The following TCF4 variants were observed in gnomAD, a reference collection of about 807,000 sequenced individuals.
TCF4 encodes SL3-3 enhancer factor 2.
Under a neutral mutation model 82.1 loss-of-function variants are expected in TCF4, and 3 were observed. The observed-to-expected ratio is 0.04, with a 90% confidence interval of 0.02 to 0.09. The LOEUF (loss-of-function observed/expected upper bound fraction) is 0.09, where lower values mean the gene tolerates loss of function less well. Among genes scored for constraint, TCF4 ranks in the 10% least tolerant of loss-of-function variants. TCF4 has a pLI of 1.00. For synonymous variants in TCF4, 276 were observed against 309.6 expected, an observed-to-expected ratio of 0.89 and a Z score of 1.14; for missense variants, 518 against 852.7, an observed-to-expected ratio of 0.61 and a Z score of 4.89.
At chr18:55,457,492 A>G (rs536788609) in intron 5 of TCF4, among the ~76,000 whole-genome samples, 1 of 148,700 alleles carries the variant, frequency 6.7e-6, no homozygotes, top group East Asian at 2.0e-4. Context: ...CAAACATTTT[A>G]TTACTTTTTT....
chr18:55,466,397 C>G (rs181194950), intron 3 of TCF4, among the ~76,000 whole-genome samples: 7 of 151,840 alleles, frequency 4.6e-5, no homozygotes, highest in African/African-American at 1.5e-4. Flanking sequence ...TTGGAGGGGC[C>G]GAGGCAGGAA....
chr18:55,498,409 C>T (rs2096661266), intron 3 of TCF4, among the ~76,000 whole-genome samples: 1 of 152,170 alleles, frequency 6.6e-6, no homozygotes, highest in African/African-American at 2.4e-5. Flanking sequence ...AGTAGACCAG[C>T]CAGTCCTAAC....
At chr18:55,228,188 A>C in intron 19 of TCF4, 33 bp downstream of exon 19, 1 of 1,613,912 alleles carries the variant, frequency 6.2e-7, no homozygotes, top group Non-Finnish European at 8.5e-7. Context: ...GTTTTGAATG[A>C]TCGATCTCAG....
chr18:55,374,926 A>T (rs2090363468), intron 6 of TCF4, among the ~76,000 whole-genome samples: 1 of 151,298 alleles, frequency 6.6e-6, no homozygotes, highest in Non-Finnish European at 1.5e-5. Flanking sequence ...AATATCAAAA[A>T]TTCCCCTCTT....
At chr18:55,292,455 C>T (rs1434387457) in intron 8 of TCF4, among the ~76,000 whole-genome samples, 1 of 152,130 alleles carries the variant, frequency 6.6e-6, no homozygotes, top group African/African-American at 2.4e-5. Flanking sequence ...ACAAGAAGAG[C>T]AGCAGTTTTA....
chr18:55,515,743 G>A (rs1049892364), intron 3 of TCF4, among the ~76,000 whole-genome samples: 5 of 152,156 alleles, frequency 3.3e-5, no homozygotes, highest in South Asian at 2.1e-4. Flanking sequence ...ACAGAATGTC[G>A]TGTGAGAAAA....
chr18:55,257,429 C>A, intron 13 of TCF4, 38 bp from the exon 14 acceptor site: 2 of 1,601,410 alleles, frequency 1.2e-6, no homozygotes, highest in Non-Finnish European at 8.6e-7. Flanking sequence ...GATCTAGACA[C>A]ATGTAAAAAG....
At chr18:55,577,015 G>A (rs527629267) in intron 3 of TCF4, among the ~76,000 whole-genome samples, 123 of 149,828 alleles carry the variant, frequency 8.2e-4, no homozygotes, top group Admixed American at 1.4e-3. Context: ...CTTCCATAAA[G>A]CCCTCTATGT....
chr18:55,440,545 C>T (rs1569478820), intron 5 of TCF4, among the ~76,000 whole-genome samples: 1 of 152,158 alleles, frequency 6.6e-6, no homozygotes, highest in Admixed American at 6.6e-5. Flanking sequence ...CTCCATCGTC[C>T]GTCAATACAT....
At chr18:55,460,061 A>T (rs762448201) in intron 5 of TCF4, among the ~76,000 whole-genome samples, 7 of 152,196 alleles carry the variant, frequency 4.6e-5, no homozygotes, top group Non-Finnish European at 8.8e-5. Context: ...GCTTAAAATC[A>T]TGACATTCTT....
intron 6 of TCF4, among the ~76,000 whole-genome samples, chr18:55,371,871 C>T (rs1008687541): frequency 3.3e-5 from 5 of 152,190 alleles, no homozygotes; most frequent in Admixed American, 2.6e-4. Context: ...TTTTGTGTCT[C>T]TGGCACTGAG....
At chr18:55,262,089 C>A (rs1028789803) in intron 11 of TCF4, among the ~76,000 whole-genome samples, 3 of 152,104 alleles carry the variant, frequency 2.0e-5, no homozygotes, top group Non-Finnish European at 4.4e-5. Flanking sequence ...ATATTCTCCA[C>A]ATATTTAAAA....
intron 2 of TCF4, among the ~76,000 whole-genome samples, chr18:55,602,686 T>C (rs933581896): frequency 2.6e-5 from 4 of 152,218 alleles, no homozygotes; most frequent in African/African-American, 9.6e-5. Context: ...ATCAATCATT[T>C]ACTCCTGCTT....
upstream of TCF4, chr18:55,589,555 TTTC>T (rs1274232014): frequency 7.7e-6 from 8 of 1,044,368 alleles, no homozygotes; most frequent in South Asian, 4.6e-5. Flanking sequence ...CCAACAACTT[TTTC>T]TTATTGTTTA....
At chr18:55,489,859 TC>T (rs1054512321) in intron 3 of TCF4, among the ~76,000 whole-genome samples, 22 of 151,780 alleles carry the variant, frequency 1.4e-4, no homozygotes, top group African/African-American at 5.3e-4. Context: ...ACAAAACACT[TC>T]CCCCACATCC....
chr18:55,634,477 C>G (rs1295499404), intron 1 of TCF4, among the ~76,000 whole-genome samples: 1 of 151,826 alleles, frequency 6.6e-6, no homozygotes, highest in Admixed American at 6.6e-5. Flanking sequence ...GAATTTAAAA[C>G]CAAATCTGTC....
At chr18:55,231,331 TA>T (rs2047858579) in intron 17 of TCF4, 1 of 152,200 alleles carries the variant, frequency 6.6e-6, no homozygotes, top group South Asian at 2.1e-4. Context: ...AACGACCAAT[TA>T]GAATTGGTTA....
At chr18:55,536,967 T>C (rs1250814415) in intron 3 of TCF4, among the ~76,000 whole-genome samples, 2 of 151,786 alleles carry the variant, frequency 1.3e-5, no homozygotes, top group African/African-American at 2.4e-5. Context: ...ACCCCATCTC[T>C]ACTAAAAATA....
chr18:55,552,439 GA>G (rs2097268026), intron 3 of TCF4, among the ~76,000 whole-genome samples: 1 of 152,138 alleles, frequency 6.6e-6, no homozygotes, highest in African/African-American at 2.4e-5. Context: ...ACTCTAAAAT[GA>G]ATTAATTACT....
Sources: allele counts gnomAD v4.1 joint callset (sites outside exome capture counted in the v4.1 genomes callset), GRCh38; gene constraint gnomAD v4.1.1; transcripts MANE v1.5; gene names NCBI Gene and HGNC (gene_info 2026-07-23, HGNC 2026-07-21).